ELFN2: variants seen among roughly 807,000 people sequenced by gnomAD.
ELFN2 encodes the protein protein phosphatase 1 regulatory subunit 29.
In ELFN2, 17 loss-of-function variants were observed where a neutral mutation model predicts 45.5. That is an observed-to-expected ratio of 0.37 (90% CI 0.26 to 0.56). The LOEUF is 0.56. Among genes scored for constraint, ELFN2 ranks in the 20% least tolerant of loss-of-function variants. The pLI is 0.77. For missense variants in ELFN2, 922 were observed against 1,183.2 expected (o/e 0.78, Z 3.24); for synonymous variants, 550 against 551.5 (o/e 1.00, Z 0.04).
chr22:37,352,580 G>C (rs1006216649), intron 1 of ELFN2: 6 of 150,994 alleles, frequency 4.0e-5, no homozygotes, highest in African/African-American at 1.5e-4. Context: ...GTGACCCTGA[G>C]ATGCGCCCAA....
intron 2 of ELFN2, among the ~76,000 whole-genome samples, chr22:37,386,880 G>A (rs1931961362): frequency 6.6e-6 from 1 of 152,168 alleles, no homozygotes; most frequent in African/African-American, 2.4e-5. Context: ...TCACCCCGTG[G>A]TCCTGGCAAG....
At chr22:37,425,627 T>C (rs1390812317) in intron 1 of ELFN2, among the ~76,000 whole-genome samples, 1 of 152,066 alleles carries the variant, frequency 6.6e-6, no homozygotes, top group Non-Finnish European at 1.5e-5. Context: ...CTCACATACA[T>C]ACTTTTTCCT....
At chr22:37,410,303 G>A (rs769190878) in intron 2 of ELFN2, among the ~76,000 whole-genome samples, 1 of 152,318 alleles carries the variant, frequency 6.6e-6, no homozygotes, top group East Asian at 1.9e-4. Flanking sequence ...TGGTCCAGGG[G>A]CTGCGGGAAG....
chr22:37,392,727 C>T (rs554078356), intron 2 of ELFN2, among the ~76,000 whole-genome samples: 18 of 152,310 alleles, frequency 1.2e-4, no homozygotes, highest in African/African-American at 3.4e-4. Context: ...GTGCTCCCCA[C>T]GCCACTGTAT....
At chr22:37,365,832 A>C (rs1931191049), downstream of ELFN2, among the ~76,000 whole-genome samples, 1 of 152,180 alleles carries the variant, frequency 6.6e-6, no homozygotes, top group African/African-American at 2.4e-5. Context: ...ACACCCCTTC[A>C]CCCCAGAAAA....
Position 37,417,135 on chromosome 22 carries a change from T to G in ELFN2, c.-463+634A>C, listed in dbSNP as rs1466676014. Among the ~76,000 whole-genome samples the G allele has an allele frequency of 6.6e-6, 1 of 150,882 alleles. No individual in the cohort carries two copies. The highest frequency in any genetic ancestry group is 1.5e-5 in the Non-Finnish European group (1 of 67,420). On this transcript the variant is annotated intron_variant, in intron 2 of 2. Transcript: ENST00000402918. This position sits in a 1 kb window ranked among gnomAD's most constrained non-coding sequence, Gnocchi z 4.5. ...GTGACAGCCCCAGCCTCTCCTCTCCTCTCCTCTCCAGGGCAGCCACCAGCC... is the reference window on the plus strand; with the variant it reads ...GTGACAGCCCCAGCCTCTCCTCTCCGCTCCTCTCCAGGGCAGCCACCAGCC...
At chr22:37,410,012 C>T (rs575618625) in intron 2 of ELFN2, among the ~76,000 whole-genome samples, 3 of 152,256 alleles carry the variant, frequency 2.0e-5, no homozygotes, top group African/African-American at 4.8e-5. Context: ...GGTTTGTATA[C>T]TTATGCATTG....
chr22:37,425,176 G>A (rs1569146448), intron 1 of ELFN2, among the ~76,000 whole-genome samples: 1 of 152,188 alleles, frequency 6.6e-6, no homozygotes, highest in Non-Finnish European at 1.5e-5. Context: ...ATCCACCCAG[G>A]GGTGGTGGGC....
Position 37,370,905 on chromosome 22 carries a change from T to C in ELFN2, c.*2167A>G, listed in dbSNP as rs1307185859. 4.8e-5 allele frequency: 7 copies of C among 146,456 alleles called. No homozygotes were observed. In the Admixed American group the frequency reaches 4.8e-4, roughly 10 times the overall value. 9.1% of individuals were successfully genotyped at this position (146,456 alleles called of 1,614,324 possible). A position where few individuals can be genotyped will look rare whatever the true frequency, so the allele number is the denominator to read the frequency against. The stretch of plus-strand genomic sequence containing the variant: ...ATGCAAATATAACAGGGAGTCTGCT[T>C]CCTCACACCCCTGGCTTCTCTGCCT... On this transcript the variant is annotated 3_prime_UTR_variant, in exon 3 of 3. Transcript: ENST00000402918.
intron 2 of ELFN2, among the ~76,000 whole-genome samples, chr22:37,408,526 A>C (rs1289217354): frequency 6.6e-6 from 1 of 152,228 alleles, no homozygotes; most frequent in African/African-American, 2.4e-5. Context: ...TTGCTCAGTA[A>C]ATAATCAGCT....
rs1931270959 is a variant in ELFN2, at chr22:37,368,716, G to A, written c.*4356C>T. 1 of 152,396 alleles carries A rather than the reference G, an allele frequency of 6.6e-6. No individual in the cohort carries two copies. The highest frequency in any genetic ancestry group is 2.1e-4 in the South Asian group (1 of 4,836). The allele number at this position is 152,396 out of a possible 1,614,324, so 9.4% of individuals were successfully genotyped here. On this transcript the variant is annotated 3_prime_UTR_variant, in exon 3 of 3. Coordinates refer to ENST00000402918, the MANE Select transcript of ELFN2 (RefSeq NM_052906.5). ...TTCCACGGGCAAAGTAAGCCCCTCA[G>A]GGCTGAGCTTCCCCAGGCTCCCCGA... is the stretch of plus-strand genomic sequence containing the variant.
At chr22:37,356,668 G>C (rs1930957474) in intron 1 of ELFN2, among the ~76,000 whole-genome samples, 1 of 152,150 alleles carries the variant, frequency 6.6e-6, no homozygotes, top group African/African-American at 2.4e-5. Flanking sequence ...ATGGGGCACT[G>C]TTCTAAACAC....
At chr22:37,426,346 G>A (rs928521196) in intron 1 of ELFN2, among the ~76,000 whole-genome samples, 2 of 119,950 alleles carry the variant, frequency 1.7e-5, no homozygotes, top group African/African-American at 3.1e-5. Flanking sequence ...GCATGCACAC[G>A]CGCGCGCGCG....
chr22:37,352,315 G>A (rs1326009607), intron 1 of ELFN2: 2 of 151,012 alleles, frequency 1.3e-5, no homozygotes, highest in African/African-American at 2.4e-5. Context: ...CAGAATCCCA[G>A]AGGTGACTCC....
chr22:37,353,275 A>T (rs1398864817), intron 1 of ELFN2: 1 of 151,174 alleles, frequency 6.6e-6, no homozygotes, highest in Non-Finnish European at 1.5e-5. Flanking sequence ...GCGGAGGAGC[A>T]GAGTCCCTCA....
At chr22:37,416,187 C>T (rs1196785486) in intron 2 of ELFN2, among the ~76,000 whole-genome samples, 5 of 152,314 alleles carry the variant, frequency 3.3e-5, no homozygotes, top group Non-Finnish European at 7.3e-5. Context: ...GTGCAGCTTC[C>T]TGTTTTTAGT....
At chr22:37,400,726 G>T (rs1206615142) in intron 2 of ELFN2, among the ~76,000 whole-genome samples, 1 of 152,228 alleles carries the variant, frequency 6.6e-6, no homozygotes, top group East Asian at 1.9e-4. Context: ...CAGAACAGGA[G>T]TTCAAGAGTT....
intron 1 of ELFN2, among the ~76,000 whole-genome samples, chr22:37,425,087 C>T (rs1336840726): frequency 6.6e-6 from 1 of 152,202 alleles, no homozygotes; most frequent in African/African-American, 2.4e-5. Flanking sequence ...AAATGGGATT[C>T]GAACCAATGG....
At chr22:37,409,602 C>T (rs1019261890) in intron 2 of ELFN2, among the ~76,000 whole-genome samples, 17 of 152,254 alleles carry the variant, frequency 1.1e-4, no homozygotes, top group Non-Finnish European at 2.9e-5. Context: ...CCAGCCCACC[C>T]GTGCCCCAGG....
Sources: gnomAD v4.1 joint callset for allele counts (sites outside exome capture counted in the v4.1 genomes callset) on GRCh38, gnomAD v4.1.1 for gene constraint, Gnocchi (gnomAD v3.1) non-coding constraint, MANE v1.5 for transcripts, NCBI Gene and HGNC (gene_info 2026-07-23, HGNC 2026-07-21) for gene names.